LRP1B: variants seen among roughly 807,000 people sequenced by gnomAD.
LRP1B encodes low-density lipoprotein receptor-related protein 1B.
LRP1B carries 217 observed loss-of-function variants against 556.6 expected under a neutral mutation model. The observed-to-expected ratio is 0.39, with a 90% CI of 0.35 to 0.44. The LOEUF is 0.44. LRP1B is among the 20% of genes least tolerant of loss of function. The pLI is 1.00. For missense variants in LRP1B, 5,053 were observed against 5,620.8 expected (o/e 0.90, Z 3.23); for synonymous variants, 2,047 against 1,865.8 (o/e 1.10, Z -2.50).
chr2:140,660,021 A>C (rs543227677), intron 41 of LRP1B, among the ~76,000 whole-genome samples: 1 of 152,142 alleles, frequency 6.6e-6, no homozygotes, highest in South Asian at 2.1e-4. Flanking sequence ...ACCAGCCATT[A>C]TTTAAATTAA....
intron 1 of LRP1B, among the ~76,000 whole-genome samples, chr2:141,929,912 CAAAAAAAAAA>C (rs70994467): frequency 1.9e-5 from 2 of 104,134 alleles, no homozygotes; most frequent in African/African-American, 3.8e-5. Flanking sequence ...CGGATGGAAA[CAAAAAAAAAA>C]AAAAAAAAAA....
At chr2:140,640,519 C>G (rs1321383605) in intron 41 of LRP1B, among the ~76,000 whole-genome samples, 1 of 148,298 alleles carries the variant, frequency 6.7e-6, no homozygotes, top group Non-Finnish European at 1.5e-5. Flanking sequence ...CCTCAGCCTC[C>G]CGAGTAGCTG....
At chr2:142,122,909 T>C (rs1707508395) in intron 1 of LRP1B, among the ~76,000 whole-genome samples, 1 of 152,088 alleles carries the variant, frequency 6.6e-6, no homozygotes, top group Non-Finnish European at 1.5e-5. Context: ...TCTTAGATAA[T>C]CTAAAAACTG....
chr2:140,253,102 T>C (rs1681525281), intron 86 of LRP1B, among the ~76,000 whole-genome samples: 1 of 152,056 alleles, frequency 6.6e-6, no homozygotes, highest in Non-Finnish European at 1.5e-5. Flanking sequence ...TAAAGTAGCA[T>C]CTTAAATTTA....
At chr2:141,626,530 C>T (rs1285989722) in intron 2 of LRP1B, among the ~76,000 whole-genome samples, 7 of 151,962 alleles carry the variant, frequency 4.6e-5, no homozygotes, top group South Asian at 4.2e-4. Context: ...AGCCATCGAC[C>T]GGGAGAAAAC....
chr2:141,297,038 C>A (rs1173008945), intron 3 of LRP1B, among the ~76,000 whole-genome samples: 1 of 152,108 alleles, frequency 6.6e-6, no homozygotes, highest in African/African-American at 2.4e-5. Flanking sequence ...GATATGATTT[C>A]ATTCTTATTT....
At chr2:141,740,228 T>C (rs1265649184) in intron 2 of LRP1B, among the ~76,000 whole-genome samples, 2 of 152,144 alleles carry the variant, frequency 1.3e-5, no homozygotes, top group Non-Finnish European at 2.9e-5. Flanking sequence ...TTCTCCTGTG[T>C]AATCTTTATC....
At chr2:140,861,229 A>G (rs147751593) in intron 27 of LRP1B, among the ~76,000 whole-genome samples, 1,599 of 152,202 alleles carry the variant, frequency 0.011, 22 homozygotes, top group African/African-American at 0.032. Context: ...CAACATGGGG[A>G]AACCTCATCT....
chr2:141,627,572 T>G (rs574758643), intron 2 of LRP1B, among the ~76,000 whole-genome samples: 1 of 152,290 alleles, frequency 6.6e-6, no homozygotes, highest in South Asian at 2.1e-4. Flanking sequence ...CAAACCGTAC[T>G]GTGAACTGCA....
At chr2:140,308,859 G>T (rs1573767718) in intron 83 of LRP1B, among the ~76,000 whole-genome samples, 1 of 151,820 alleles carries the variant, frequency 6.6e-6, no homozygotes. Context: ...TATTTGGACA[G>T]TAGCCACATT....
chr2:140,491,352 A>G (rs1352394843), intron 57 of LRP1B, among the ~76,000 whole-genome samples: 1 of 151,742 alleles, frequency 6.6e-6, no homozygotes, highest in Non-Finnish European at 1.5e-5. Flanking sequence ...TTATGTACAT[A>G]TGTGTGTGTG....
rs201761576 is a variant in LRP1B at position 141,319,299 on chromosome 2, G to GTTTTTTTTTTT, written c.344-64659_344-64658insAAAAAAAAAAA. On this transcript the variant is annotated intron_variant, in intron 3 of 90. Transcript: ENST00000389484. The stretch of plus-strand genomic sequence containing the variant: ...CATAATGTAGTCTCTAAAAAGCAGT[G>GTTTTTTTTTTT]TTTTTTTGTTGTTTTTTTTTTTTTT... Among the ~76,000 whole-genome samples, 128 of 80,442 alleles carry GTTTTTTTTTTT rather than the reference G, an allele frequency of 1.6e-3. 7 individuals are homozygous for GTTTTTTTTTTT. The highest frequency in any genetic ancestry group is 6.3e-3 in the African/African-American group (124 of 19,616). The allele number at this position is 80,442 out of a possible 152,430, so 52.8% of individuals were successfully genotyped here. A position where few individuals can be genotyped will look rare whatever the true frequency, so the allele number is the denominator to read the frequency against.
At chr2:141,130,668 T>C (rs79039664) in intron 7 of LRP1B, among the ~76,000 whole-genome samples, 8,624 of 152,184 alleles carry the variant, frequency 0.057, 308 homozygotes, top group African/African-American at 0.099. Flanking sequence ...AAAGAAAAGA[T>C]ATAATTTAAA....
chr2:141,892,209 A>G (rs1282046196), intron 1 of LRP1B, among the ~76,000 whole-genome samples: 4 of 152,006 alleles, frequency 2.6e-5, no homozygotes, highest in Admixed American at 6.6e-5. Context: ...AAAGAAGCCA[A>G]GAAAAAAAAT....
intron 7 of LRP1B, among the ~76,000 whole-genome samples, chr2:141,125,000 A>G (rs1701165613): frequency 1.3e-5 from 2 of 152,144 alleles, no homozygotes; most frequent in Non-Finnish European, 2.9e-5. Context: ...GTTTGTCACA[A>G]TCAATACCTA....
rs55664640 is a variant in LRP1B at position 141,198,151 on chromosome 2, A to T, written c.851-9568T>A. Among the ~76,000 whole-genome samples the T allele has an allele frequency of 8.5e-3, 1,289 of 152,254 alleles. 27 individuals carry two copies. Among genetic ancestry groups the T allele is most frequent in the African/African-American group, 0.027 (1,136 of 41,564 alleles). ...CGTTTGAAAATGCCTACTGAATAAG[A>T]TGATATAATTGCATTTATTTTTACT... On this transcript the variant is annotated intron_variant, in intron 6 of 90. Transcript: ENST00000389484.
At chr2:142,127,052 T>A (rs545924788) in intron 1 of LRP1B, among the ~76,000 whole-genome samples, 1 of 151,422 alleles carries the variant, frequency 6.6e-6, no homozygotes, top group Non-Finnish European at 1.5e-5. Flanking sequence ...ATTAACCATA[T>A]CACTCATCTA....
chr2:141,585,133 T>C (rs544203545), intron 2 of LRP1B, among the ~76,000 whole-genome samples: 3 of 152,308 alleles, frequency 2.0e-5, no homozygotes, highest in African/African-American at 7.2e-5. Context: ...TCGCACAACC[T>C]GTTATCCCTT....
chr2:141,660,360 G>A (rs1690168069), intron 2 of LRP1B, among the ~76,000 whole-genome samples: 1 of 152,054 alleles, frequency 6.6e-6, no homozygotes, highest in East Asian at 1.9e-4. Flanking sequence ...TAGGACCTTG[G>A]GTTCCAAGCA....
Sources: gnomAD v4.1 joint callset for allele counts (sites outside exome capture counted in the v4.1 genomes callset) on GRCh38, gnomAD v4.1.1 for gene constraint, MANE v1.5 for transcripts, NCBI Gene and HGNC (gene_info 2026-07-23, HGNC 2026-07-21) for gene names.